Variants in OGG1 observed in about 807,000 individuals in gnomAD.
OGG1 encodes the protein N-glycosylase/DNA lyase.
A neutral mutation model predicts 42.3 loss-of-function variants in OGG1; 35 were observed. That is an observed-to-expected ratio of 0.83 (90% CI 0.63 to 1.10). The LOEUF (loss-of-function observed/expected upper bound fraction) is 1.10. Among genes scored for constraint, OGG1 ranks in the 50% least tolerant of loss-of-function variants. The pLI is 0.00. For synonymous variants in OGG1, 189 were observed against 179.0 expected, an observed-to-expected ratio of 1.06 and a Z score of -0.44; for missense variants, 484 against 446.7, an observed-to-expected ratio of 1.08 and a Z score of -0.75.
rs1476332195 is a variant in OGG1, at chr3:9,753,347, G to A, written c.566-1357G>A. Among the ~76,000 whole-genome samples, 287 of 116,436 alleles carry A rather than the reference G, an allele frequency of 2.5e-3. 2 individuals carry two copies. Among genetic ancestry groups the A allele is most frequent in the Non-Finnish European group, 3.8e-3 (217 of 57,120 alleles). The allele number at this position is 116,436 out of a possible 152,430, so 76.4% of individuals were successfully genotyped here. ...CGACAGGGCGACAGGGCGAGACTCC[G>A]TCTCAAAAAAAAAAAAAAAACCTGG... On this transcript the variant is annotated intron_variant, in intron 3 of 6. Coordinates refer to ENST00000344629, the MANE Select transcript of OGG1 (RefSeq NM_002542.6).
At chr3:9,755,661 A>C (rs1575202349) in intron 4 of OGG1, among the ~76,000 whole-genome samples, 1 of 150,618 alleles carries the variant, frequency 6.6e-6, no homozygotes, top group Non-Finnish European at 1.5e-5. Flanking sequence ...ATGGGGTTTC[A>C]CCATGTTGGG....
At chr3:9,776,895 G>A (rs961722057) in intron 2 of OGG1, among the ~76,000 whole-genome samples, 2 of 152,198 alleles carry the variant, frequency 1.3e-5, no homozygotes, top group Non-Finnish European at 2.9e-5. Context: ...AGAAGAAATG[G>A]GGAGTTTATT....
At chr3:9,756,392 G>A in intron 4 of OGG1, 79 bp from the exon 5 acceptor site, 1 of 1,452,290 alleles carries the variant, frequency 6.9e-7, no homozygotes, top group Non-Finnish European at 9.7e-7. Context: ...GGAGAAAGCA[G>A]CCGGCTTTGG....
intron 2 of OGG1, among the ~76,000 whole-genome samples, chr3:9,776,385 TTTC>T (rs1427952809): frequency 7.0e-6 from 1 of 142,078 alleles, no homozygotes; most frequent in Non-Finnish European, 1.5e-5. Flanking sequence ...TCTTTTTTCT[TTTC>T]TTTTTTTTTT....
At chr3:9,786,858 T>C in intron 3 of OGG1, 1 of 663,222 alleles carries the variant, frequency 1.5e-6, no homozygotes, top group Non-Finnish European at 2.6e-6. Context: ...TCCCAATCTT[T>C]TGCTATATAT....
chr3:9,769,915 C>G (rs2078265574), downstream of OGG1: 1 of 152,244 alleles, frequency 6.6e-6, no homozygotes, highest in South Asian at 2.1e-4. Context: ...CCGCTGCGTG[C>G]CTGGGCCACC....
downstream of OGG1, chr3:9,760,844 CAG>C (rs1367673562): frequency 2.9e-5 from 47 of 1,595,614 alleles, no homozygotes; most frequent in African/African-American, 1.2e-4. Flanking sequence ...GGGGCAGTCT[CAG>C]GGGTCAGGCA....
rs763757094 is a variant in OGG1, at chr3:9,766,038, G to C, written c.*207G>C. The C allele has an allele frequency of 1.2e-5, 20 of 1,607,858 alleles. No individual in the cohort carries two copies. In the East Asian group the frequency reaches 4.5e-4, roughly 36 times the overall value. ...GTCACTCATCCATCCCCTGGCTCCA[G>C]AGATGGTCACATGACCCAGGCCTGG... On this transcript the variant is annotated 3_prime_UTR_variant, in exon 8 of 8. Transcript: ENST00000302008.
At position 9,750,339 on chromosome 3, in the gene OGG1, C is replaced by G; in HGVS notation, c.53C>G (p.Ser18Cys). 6.2e-7 allele frequency: 1 copy of G among 1,613,984 alleles called. No individual in the cohort carries two copies. The highest frequency in any genetic ancestry group is 8.5e-7 in the Non-Finnish European group (1 of 1,180,012). Residue 18 changes from serine to cysteine, a missense_variant, in exon 1 of 7, where the codon TCC (serine) becomes TGC (cysteine). Transcript: ENST00000344629. ...CGCATGGGGCATCGTACTCTAGCCT[C>G]CACTCCTGCCCTGTGGGCCTCCATC... ...PRRMGHRTLASTPALWASIPC... is the reference protein window; with the variant it reads ...PRRMGHRTLACTPALWASIPC...
intron 2 of OGG1, among the ~76,000 whole-genome samples, chr3:9,777,376 G>C (rs994249819): frequency 6.6e-6 from 1 of 152,206 alleles, no homozygotes; most frequent in African/African-American, 2.4e-5. Context: ...TTTGGCTCCA[G>C]CAGACACTGA....
chr3:9,752,083 G>T, intron 3 of OGG1, 134 bp downstream of exon 3: 1 of 780,304 alleles, frequency 1.3e-6, no homozygotes, highest in African/African-American at 1.7e-5. Context: ...TGCCTGGTCT[G>T]ATCAACTCCA....
At chr3:9,780,209 A>G in intron 2 of OGG1, 1 of 785,384 alleles carries the variant, frequency 1.3e-6, no homozygotes, top group Non-Finnish European at 2.0e-6. Context: ...GCTAGGCCAA[A>G]AGACCTCAGG....
intron 3 of OGG1, chr3:9,787,634 C>A (rs1181644932): frequency 8.2e-6 from 11 of 1,338,372 alleles, no homozygotes; most frequent in Non-Finnish European, 1.1e-5. Flanking sequence ...GCAATTGCCT[C>A]TCGAGAGAAT....
At chr3:9,789,521 A>C (rs761183312), downstream of OGG1, 3 of 1,614,016 alleles carry the variant, frequency 1.9e-6, no homozygotes, top group African/African-American at 1.3e-5. Context: ...TGTAATGCTC[A>C]GCCTCATCTT....
In OGG1 at chr3:9,750,861, T is replaced by C. The variant is rs56411692; in HGVS notation, c.138-84T>C. The C allele has an allele frequency of 1.4e-3, 2,149 of 1,497,402 alleles. 3 individuals carry two copies. Among genetic ancestry groups the C allele is most frequent in the Non-Finnish European group, 1.8e-3 (1,966 of 1,078,888 alleles). 92.8% of individuals were successfully genotyped at this position (1,497,402 alleles called of 1,614,324 possible). On this transcript the variant is annotated intron_variant, in intron 1 of 6. Transcript: ENST00000344629. ...CTGTTACTTGTATTAGTTTCGTACA[T>C]GGAGCTATTGTAGGATAGGAGGGAC...
At chr3:9,751,712 G>C (rs953436777) in intron 2 of OGG1, 58 bp from the exon 3 acceptor site, 2 of 1,545,822 alleles carry the variant, frequency 1.3e-6, no homozygotes, top group African/African-American at 1.4e-5. Context: ...CTGTGGGTGG[G>C]AAGAGGCCAC....
downstream of OGG1, chr3:9,758,635 T>C (rs1333977383): frequency 6.2e-6 from 1 of 162,002 alleles, no homozygotes; most frequent in Non-Finnish European, 1.3e-5. Context: ...TGAGAGCTCT[T>C]TCTTTTTTTT....
intron 1 of OGG1, 139 bp downstream of exon 1, chr3:9,750,562 C>T (rs1019169867): frequency 8.7e-7 from 1 of 1,154,096 alleles, no homozygotes; most frequent in Non-Finnish European, 1.3e-6. Context: ...CACGGGTAGC[C>T]AACCTGTTAC....
At chr3:9,789,647 C>G (rs1488197921), downstream of OGG1, 1 of 1,611,866 alleles carries the variant, frequency 6.2e-7, no homozygotes, top group Admixed American at 1.7e-5. Context: ...AGTGGGCGCC[C>G]CTGCCCCACC....
Sources: gnomAD v4.1 joint callset for allele counts (sites outside exome capture counted in the v4.1 genomes callset) on GRCh38, gnomAD v4.1.1 for gene constraint, MANE v1.5 for transcripts, NCBI Gene and HGNC (gene_info 2026-07-23, HGNC 2026-07-21) for gene names.